IQGAP2: variants seen among roughly 807,000 people sequenced by gnomAD.
IQGAP2 encodes IQ motif containing GTPase activating protein 2.
IQGAP2 carries 173 observed loss-of-function variants against 201.3 expected under a neutral mutation model. The ratio of observed to expected loss-of-function variants is 0.86; its 90% CI spans 0.76 to 0.98. The LOEUF (loss-of-function observed/expected upper bound fraction) is 0.98. Among genes scored for constraint, IQGAP2 ranks in the 50% least tolerant of loss-of-function variants. IQGAP2 has a pLI of 0.00. For synonymous variants in IQGAP2, 675 were observed against 673.9 expected, an observed-to-expected ratio of 1.00 and a Z score of -0.03; for missense variants, 1,687 against 1,864.8, an observed-to-expected ratio of 0.90 and a Z score of 1.76.
At chr5:76,404,373 TTCATGTGCAGAGTTCAGAGTCCTAA>T (rs1300924045) in intron 1 of IQGAP2, 42 of 732,432 alleles carry the variant, frequency 5.7e-5, no homozygotes, top group Admixed American at 6.3e-5. Context: ...ACCACGTGGC[TTCATGTGCAGAGTTCAGAGTCCTAA>T]ACATGTGCCA....
At chr5:76,418,636 G>A (rs1349094346) in intron 1 of IQGAP2, among the ~76,000 whole-genome samples, 1 of 151,906 alleles carries the variant, frequency 6.6e-6, no homozygotes, top group Non-Finnish European at 1.5e-5. Flanking sequence ...GACTTTAAGA[G>A]TAGTTTCTTT....
At chr5:76,656,499 A>T (rs1055572873) in intron 20 of IQGAP2, among the ~76,000 whole-genome samples, 1 of 151,694 alleles carries the variant, frequency 6.6e-6, no homozygotes, top group African/African-American at 2.4e-5. Flanking sequence ...TTTTTTTTTT[A>T]AAGAAGGCTA....
At chr5:76,448,451 C>CT (rs1377716783) in intron 1 of IQGAP2, among the ~76,000 whole-genome samples, 1 of 152,188 alleles carries the variant, frequency 6.6e-6, no homozygotes, top group Non-Finnish European at 1.5e-5. Context: ...TTAGATAACT[C>CT]TAACTCCTCC....
chr5:76,474,947 T>C (rs1276452640), intron 2 of IQGAP2, among the ~76,000 whole-genome samples: 1 of 152,080 alleles, frequency 6.6e-6, no homozygotes, highest in African/African-American at 2.4e-5. Flanking sequence ...CCCGACCTCA[T>C]GTGATCCACC....
chr5:76,508,144 A>C (rs936195078), intron 2 of IQGAP2, among the ~76,000 whole-genome samples: 1 of 151,034 alleles, frequency 6.6e-6, no homozygotes, highest in African/African-American at 2.4e-5. Context: ...CAGCCTGGGC[A>C]ACATGGCAAA....
chr5:76,519,864 T>G (rs1311712767), intron 2 of IQGAP2, among the ~76,000 whole-genome samples: 2 of 152,232 alleles, frequency 1.3e-5, no homozygotes, highest in Non-Finnish European at 2.9e-5. Context: ...GCTCAACTCT[T>G]TTGCCCATTC....
At chr5:76,432,745 G>T (rs959546970) in intron 1 of IQGAP2, among the ~76,000 whole-genome samples, 1 of 152,240 alleles carries the variant, frequency 6.6e-6, no homozygotes, top group African/African-American at 2.4e-5. Flanking sequence ...TAGTAGGATA[G>T]ACAGAAACAT....
At chr5:76,554,448 G>C (rs1743775370) in intron 2 of IQGAP2, among the ~76,000 whole-genome samples, 1 of 152,024 alleles carries the variant, frequency 6.6e-6, no homozygotes, top group Non-Finnish European at 1.5e-5. Context: ...GAATATGTAA[G>C]GAACTCTTAT....
chr5:76,604,915 A>T (rs543505791), intron 11 of IQGAP2, among the ~76,000 whole-genome samples: 3 of 152,294 alleles, frequency 2.0e-5, no homozygotes, highest in African/African-American at 4.8e-5. Context: ...CAGAATTTTG[A>T]AAAAGTTTGT....
intron 2 of IQGAP2, among the ~76,000 whole-genome samples, chr5:76,531,873 T>C (rs901808586): frequency 6.6e-6 from 1 of 152,166 alleles, no homozygotes; most frequent in Non-Finnish European, 1.5e-5. Context: ...TTTCTCACAA[T>C]TCAGGAGACT....
chr5:76,690,115 G>A (rs1417017073), intron 30 of IQGAP2, among the ~76,000 whole-genome samples: 1 of 152,166 alleles, frequency 6.6e-6, no homozygotes, highest in Non-Finnish European at 1.5e-5. Flanking sequence ...CATATTTGAA[G>A]AGCCCTGGCG....
chr5:76,640,071 C>A (rs1751447053), intron 16 of IQGAP2, among the ~76,000 whole-genome samples: 1 of 152,090 alleles, frequency 6.6e-6, no homozygotes. Flanking sequence ...GATTATTAAC[C>A]AGTGGAAGGT....
intron 2 of IQGAP2, among the ~76,000 whole-genome samples, chr5:76,473,057 T>C (rs1205934437): frequency 6.6e-6 from 1 of 152,236 alleles, no homozygotes; most frequent in Non-Finnish European, 1.5e-5. Context: ...ATTTATTCAG[T>C]GTCGCAGCCA....
intron 15 of IQGAP2, among the ~76,000 whole-genome samples, chr5:76,634,165 T>A (rs765923865): frequency 1.4e-4 from 21 of 152,158 alleles, no homozygotes; most frequent in Non-Finnish European, 2.8e-4. Context: ...AGCCACACAT[T>A]AATTTATATA....
chr5:76,440,376 A>G (rs1752958140), intron 1 of IQGAP2, among the ~76,000 whole-genome samples: 1 of 152,026 alleles, frequency 6.6e-6, no homozygotes, highest in Admixed American at 6.6e-5. Context: ...AAGCATTTTC[A>G]TTTTTTATAA....
At position 76,600,814 on chromosome 5, in the gene IQGAP2, C is replaced by A; in HGVS notation, c.1074C>A (p.Asn358Lys). ...LFNLQKQNTMNYLAHEELLIA... is the reference protein window; with the variant it reads ...LFNLQKQNTMKYLAHEELLIA... The stretch of plus-strand genomic sequence containing the variant: ...TGTTGCCATATGTTTTCCAACAGAA[C>A]TACTTGGCCCACGAGGAGCTTTTGA... Residue 358 changes from asparagine (N) to lysine (K), a missense_variant and splice_region_variant, in exon 11 of 36, where the codon AAC (asparagine) becomes AAA (lysine). Physicochemically the swap from Asn to Lys is moderately conservative, Grantham distance 94. Coordinates refer to ENST00000274364, the MANE Select transcript of IQGAP2 (RefSeq NM_006633.5). 6.2e-7 allele frequency: 1 copy of A among 1,613,968 alleles called. No homozygotes were observed. Among genetic ancestry groups the A allele is most frequent in the Non-Finnish European group, 8.5e-7 (1 of 1,179,892 alleles).
At chr5:76,438,445 A>ATT (rs55858032) in intron 1 of IQGAP2, among the ~76,000 whole-genome samples, 35 of 151,292 alleles carry the variant, frequency 2.3e-4, no homozygotes, top group African/African-American at 5.4e-4. Flanking sequence ...CTTCATTTTC[A>ATT]TTTTTTTCTT....
intron 30 of IQGAP2, among the ~76,000 whole-genome samples, chr5:76,685,024 T>G (rs1038445207): frequency 6.6e-6 from 1 of 152,178 alleles, no homozygotes; most frequent in African/African-American, 2.4e-5. Context: ...GGCTTGAGGC[T>G]GGGATACAAC....
chr5:76,412,366 A>G (rs1751173915), intron 1 of IQGAP2, among the ~76,000 whole-genome samples: 1 of 152,100 alleles, frequency 6.6e-6, no homozygotes, highest in Non-Finnish European at 1.5e-5. Flanking sequence ...GGATCTCACT[A>G]TGTTGCTCAA....
Sources: allele counts gnomAD v4.1 joint callset (sites outside exome capture counted in the v4.1 genomes callset), GRCh38; gene constraint gnomAD v4.1.1; transcripts MANE v1.5; gene names NCBI Gene and HGNC (gene_info 2026-07-23, HGNC 2026-07-21).